Variants in GRAMD4 observed in about 807,000 individuals in gnomAD.
GRAMD4 encodes the protein GRAM domain containing 4.
A neutral mutation model predicts 83.9 loss-of-function variants in GRAMD4; 25 were observed. The observed-to-expected ratio is 0.30, with a 90% confidence interval of 0.22 to 0.42. GRAMD4 has a LOEUF of 0.42. Among genes scored for constraint, GRAMD4 ranks in the 10% least tolerant of loss-of-function variants. The probability of loss-of-function intolerance (pLI) is 1.00; values close to 1 mark genes in which losing one functional copy is unlikely to be tolerated. For missense variants in GRAMD4, 593 were observed against 788.7 expected (o/e 0.75, Z 2.97); for synonymous variants, 336 against 320.9 (o/e 1.05, Z -0.50).
At chr22:46,595,328 G>A (rs1437859179) in intron 1 of GRAMD4, among the ~76,000 whole-genome samples, 2 of 152,200 alleles carry the variant, frequency 1.3e-5, no homozygotes, top group Non-Finnish European at 2.9e-5. Context: ...TGTTTCACTT[G>A]GCTGCCTCTG....
intron 1 of GRAMD4, among the ~76,000 whole-genome samples, chr22:46,603,584 C>T (rs958041338): frequency 3.1e-4 from 40 of 128,856 alleles, no homozygotes; most frequent in Middle Eastern, 5.3e-3. Context: ...TGGCGCGATC[C>T]TGGCTCACTG....
At position 46,664,906 on chromosome 22, in the gene GRAMD4, T is replaced by A. The variant is rs2082385365; in HGVS notation, c.718-709T>A. On this transcript the variant is annotated intron_variant, in intron 8 of 18. Coordinates refer to ENST00000406902, the MANE Select transcript of GRAMD4 (RefSeq NM_015124.5). ...TCTCCAGGAAAGTCCCTGAAGCCTG[T>A]GGCCCTGTGCCTGCTGCGGGCACTT... Among the ~76,000 whole-genome samples, 7 of 152,336 alleles carry A rather than the reference T, an allele frequency of 4.6e-5. No homozygotes were observed. In the South Asian group the frequency reaches 1.4e-3, roughly 32 times the overall value.
At chr22:46,595,842 C>T (rs183634173) in intron 1 of GRAMD4, among the ~76,000 whole-genome samples, 11 of 152,362 alleles carry the variant, frequency 7.2e-5, no homozygotes, top group East Asian at 3.9e-4. Context: ...TCCAGATCCC[C>T]GGCCTTAACA....
At chr22:46,616,015 T>C (rs2081483485), upstream of GRAMD4, among the ~76,000 whole-genome samples, 1 of 119,172 alleles carries the variant, frequency 8.4e-6, no homozygotes, top group Non-Finnish European at 1.8e-5. Context: ...TAGGTTCTGC[T>C]GTGCGTGTTG....
intron 1 of GRAMD4, among the ~76,000 whole-genome samples, chr22:46,578,224 G>A (rs558254188): frequency 3.9e-5 from 6 of 152,290 alleles, no homozygotes; most frequent in Admixed American, 2.0e-4. Flanking sequence ...AAAATTCAGA[G>A]GTGTCTCTCC....
chr22:46,592,619 A>T (rs2081221182), intron 1 of GRAMD4, among the ~76,000 whole-genome samples: 1 of 152,188 alleles, frequency 6.6e-6, no homozygotes, highest in South Asian at 2.1e-4. Context: ...GAGGAACCAC[A>T]TCCTCTACGC....
At position 46,678,876 on chromosome 22, in the gene GRAMD4, C is replaced by T; in HGVS notation, c.*1625C>T. ...CACCAGATTAAGCACATGTCCTATCCCAGGCGGTGGAGCGGAGCCCCCGTG... is the reference window on the plus strand; with the variant it reads ...CACCAGATTAAGCACATGTCCTATCTCAGGCGGTGGAGCGGAGCCCCCGTG... On this transcript the variant is annotated 3_prime_UTR_variant, in exon 19 of 19. Transcript: ENST00000406902. 1.0e-6 allele frequency: 1 copy of T among 985,956 alleles called. No individual in the cohort carries two copies. The highest frequency in any genetic ancestry group is 5.2e-4 in the Middle Eastern group (1 of 1,918). The allele number at this position is 985,956 out of a possible 1,614,324, so 61.1% of individuals were successfully genotyped here.
At chr22:46,663,210 G>T in intron 6 of GRAMD4, 38 bp downstream of exon 6, 1 of 1,593,320 alleles carries the variant, frequency 6.3e-7, no homozygotes, top group Non-Finnish European at 8.6e-7. Context: ...TGTGCGTTAG[G>T]GGCCCCGGTC....
At chr22:46,665,463 C>G (rs2082393595) in intron 8 of GRAMD4, 152 bp from the exon 9 acceptor site, 5 of 581,032 alleles carry the variant, frequency 8.6e-6, no homozygotes, top group African/African-American at 1.9e-5. Flanking sequence ...TCCGGCTTCC[C>G]CATCAGACGC....
In GRAMD4 at chr22:46,672,966, A is replaced by G. The variant is rs2082533692; in HGVS notation, c.1208A>G (p.Lys403Arg). ...AGTCTCCCCACCGACCCGCAGCTCA[A>G]GGAGCGCTCCAGCGCCGCAGTCTCA... Reference protein sequence around the residue: ...WRSLPTDPQLKERSSAAVSRR... With the variant: ...WRSLPTDPQLRERSSAAVSRR... Residue 403 changes from lysine to arginine, a missense_variant, in exon 14 of 19, where the codon AAG becomes AGG. Physicochemically the swap from Lys to Arg is conservative, Grantham distance 26. Transcript: ENST00000406902. This position sits in a 1 kb window ranked among gnomAD's most constrained non-coding sequence, Gnocchi z 4.7. The G allele has an allele frequency of 6.2e-7, 1 of 1,608,228 alleles. No individual in the cohort carries two copies. Among genetic ancestry groups the G allele is most frequent in the Non-Finnish European group, 8.5e-7 (1 of 1,179,362 alleles).
At chr22:46,635,087 G>A (rs111993826) in intron 2 of GRAMD4, among the ~76,000 whole-genome samples, 2,680 of 94,400 alleles carry the variant, frequency 0.028, 54 homozygotes, top group African/African-American at 0.054. Flanking sequence ...GTCTTGGGGA[G>A]CCGTGTCCTC....
downstream of GRAMD4, chr22:46,679,837 T>C: frequency 2.0e-6 from 2 of 976,638 alleles, no homozygotes; most frequent in Non-Finnish European, 1.2e-6. Flanking sequence ...GTAGGCGGCC[T>C]GAGCCAGCTG....
intron 2 of GRAMD4, among the ~76,000 whole-genome samples, chr22:46,635,135 C>T (rs1310371673): frequency 6.9e-5 from 10 of 144,704 alleles, no homozygotes; most frequent in Admixed American, 2.1e-4. Context: ...CCTGGGGAAC[C>T]GTGTCCTCCC....
chr22:46,641,882 C>T (rs746662775), intron 3 of GRAMD4, among the ~76,000 whole-genome samples: 1 of 152,238 alleles, frequency 6.6e-6, no homozygotes, highest in Non-Finnish European at 1.5e-5. Flanking sequence ...TTTGGCTCCG[C>T]CAAGGAGTAG....
At chr22:46,636,410 C>T (rs1022119613) in intron 2 of GRAMD4, among the ~76,000 whole-genome samples, 4 of 152,232 alleles carry the variant, frequency 2.6e-5, no homozygotes, top group Admixed American at 6.5e-5. Context: ...GCCCCAGCAG[C>T]GAGAGCAGCT....
At chr22:46,586,245 C>T (rs184155854) in intron 1 of GRAMD4, among the ~76,000 whole-genome samples, 2 of 152,198 alleles carry the variant, frequency 1.3e-5, no homozygotes, top group Admixed American at 1.3e-4. Flanking sequence ...TCCTGCTGAC[C>T]GTGTCTCCTT....
At position 46,674,067 on chromosome 22, in the gene GRAMD4, G is replaced by A. The variant is rs553205053; in HGVS notation, c.1384+253G>A. 4.6e-5 allele frequency among the ~76,000 whole-genome samples: 7 copies of A among 152,376 alleles called. No individual in the cohort carries two copies. The South Asian group carries it at 8.3e-4, about 18-fold the overall frequency. ...GCAGCACTCCCCTGACAGCAGGCGT[G>A]CAGGCAACACACTGGGGAGAGAGTC... On this transcript the variant is annotated intron_variant, in intron 15 of 18. Transcript: ENST00000406902.
At chr22:46,661,292 C>T in intron 4 of GRAMD4, 89 bp from the exon 5 acceptor site, 2 of 939,040 alleles carry the variant, frequency 2.1e-6, no homozygotes, top group South Asian at 1.3e-5. Flanking sequence ...CTGTGCAGTA[C>T]ACGGTCGCGA....
In GRAMD4 at chr22:46,637,971, GAA is replaced by G; in HGVS notation, c.283+13_283+14del. 6.2e-7 allele frequency: 1 copy of G among 1,612,898 alleles called. No homozygotes were observed. The highest frequency in any genetic ancestry group is 8.5e-7 in the Non-Finnish European group (1 of 1,179,182). Reference sequence around the variant, plus strand: ...AAAAACATTTCTTACGTGAGTACCAGAAAGCGCTTGGAGGGGATGGGACAAGG... The same window carrying G: ...AAAAACATTTCTTACGTGAGTACCAGAGCGCTTGGAGGGGATGGGACAAGG... On this transcript the variant is annotated intron_variant, in intron 3 of 18. Coordinates refer to ENST00000406902, the MANE Select transcript of GRAMD4 (RefSeq NM_015124.5).
Sources: gnomAD v4.1 joint callset for allele counts (sites outside exome capture counted in the v4.1 genomes callset) on GRCh38, gnomAD v4.1.1 for gene constraint, Gnocchi (gnomAD v3.1) non-coding constraint, MANE v1.5 for transcripts, NCBI Gene and HGNC (gene_info 2026-07-23, HGNC 2026-07-21) for gene names.